Variants in DHRSX observed in about 807,000 individuals in gnomAD.
DHRSX encodes dehydrogenase/reductase X-linked, also known as polyprenol dehydrogenase.
DHRSX carries 31 observed loss-of-function variants against 34.0 expected under a neutral mutation model. The ratio of observed to expected loss-of-function variants is 0.91; its 90% CI spans 0.69 to 1.23. DHRSX has a LOEUF of 1.23. DHRSX is among the 50% of genes most tolerant of loss of function. The pLI is 0.00. For missense variants in DHRSX, 414 were observed against 428.1 expected (o/e 0.97, Z 0.29); for synonymous variants, 201 against 183.8 (o/e 1.09, Z -0.76).
intron 5 of DHRSX, among the ~76,000 whole-genome samples, chrX:2,261,134 C>T (rs768645809): frequency 6.6e-5 from 10 of 152,118 alleles, no homozygotes; most frequent in East Asian, 1.9e-4. Flanking sequence ...CATTGGAACC[C>T]GGGAGGCGGA....
intron 3 of DHRSX, among the ~76,000 whole-genome samples, chrX:2,405,600 G>A (rs1013568682): frequency 6.6e-6 from 1 of 151,910 alleles, no homozygotes; most frequent in Non-Finnish European, 1.5e-5. Flanking sequence ...GAACCCAGTA[G>A]TTCAAGATGA....
intron 3 of DHRSX, among the ~76,000 whole-genome samples, chrX:2,370,792 G>GC (rs1385968013): frequency 6.6e-6 from 1 of 151,964 alleles, no homozygotes; most frequent in African/African-American, 2.4e-5. Flanking sequence ...CTCCTATCAG[G>GC]CCCCGGGATG....
chrX:2,496,859 A>G (rs904156946), intron 1 of DHRSX, among the ~76,000 whole-genome samples: 6 of 149,080 alleles, frequency 4.0e-5, no homozygotes, highest in Admixed American at 1.3e-4. Flanking sequence ...TATTTATAGA[A>G]AAGTATAAAT....
chrX:2,393,418 A>ACGACACACAGGGACC (rs2043359381), intron 3 of DHRSX, among the ~76,000 whole-genome samples: 3 of 151,230 alleles, frequency 2.0e-5, no homozygotes, highest in South Asian at 2.1e-4. Flanking sequence ...CTGCGCACAC[A>ACGACACACAGGGACC]TGACACACAG....
intron 3 of DHRSX, among the ~76,000 whole-genome samples, chrX:2,328,079 C>CAAAAAAAAAAAAAAAA (rs35824420): frequency 4.2e-5 from 5 of 118,506 alleles, no homozygotes; most frequent in Non-Finnish European, 5.1e-5. Flanking sequence ...GACTCCGTCT[C>CAAAAAAAAAAAAAAAA]AAAAAAAAAA....
chrX:2,318,779 C>A (rs1312265763), intron 3 of DHRSX, among the ~76,000 whole-genome samples: 1 of 152,112 alleles, frequency 6.6e-6, no homozygotes, highest in Admixed American at 6.6e-5. Context: ...TGCTGCTCTG[C>A]CAATGGAGTG....
Position 2,320,336 on chromosome X carries a change from C to G in DHRSX, c.287-28733G>C, listed in dbSNP as rs752995766. Among the ~76,000 whole-genome samples, 16 of 100,078 alleles carry G rather than the reference C, an allele frequency of 1.6e-4. No homozygotes were observed. In the East Asian group the frequency reaches 5.2e-3, roughly 33 times the overall value. The allele number at this position is 100,078 out of a possible 152,430, so 65.7% of individuals were successfully genotyped here. A position where few individuals can be genotyped will look rare whatever the true frequency, so the allele number is the denominator to read the frequency against. On this transcript the variant is annotated intron_variant, in intron 3 of 6. Coordinates refer to ENST00000334651, the MANE Select transcript of DHRSX (RefSeq NM_145177.3). ...TTGAGATGGGATCTTGCTCTGTCAC[C>G]CAGGCTGGACTGCAGTGGGGTGATC...
At position 2,306,552 on chromosome X, in the gene DHRSX, G is replaced by A. The variant is rs141193353; in HGVS notation, c.287-14949C>T. ...TCTTGGCTCACTGCAACCTCCACCC[G>A]CCAGGTTCAAGCGATTCAGCCTCCC... is the stretch of plus-strand genomic sequence containing the variant. On this transcript the variant is annotated intron_variant, in intron 3 of 6. Transcript: ENST00000334651. 3.8e-3 allele frequency among the ~76,000 whole-genome samples: 574 copies of A among 149,746 alleles called. 3 individuals are homozygous for A. The highest frequency in any genetic ancestry group is 6.6e-3 in the Non-Finnish European group (447 of 67,656).
At chrX:2,445,017 C>T (rs1416361549) in intron 1 of DHRSX, among the ~76,000 whole-genome samples, 4 of 151,998 alleles carry the variant, frequency 2.6e-5, no homozygotes, top group Middle Eastern at 3.4e-3. Context: ...ATTAGCTGGG[C>T]CTGGTGGCGG....
chrX:2,465,909 A>G (rs1476290765), intron 1 of DHRSX, among the ~76,000 whole-genome samples: 1 of 152,166 alleles, frequency 6.6e-6, no homozygotes. Context: ...CACCCCAAAA[A>G]TTCCCAATGC....
intron 1 of DHRSX, among the ~76,000 whole-genome samples, chrX:2,454,173 G>C (rs2044264955): frequency 1.3e-5 from 2 of 152,004 alleles, no homozygotes; most frequent in Non-Finnish European, 2.9e-5. Flanking sequence ...CAGTTTATAT[G>C]ACCATGACAC....
At chrX:2,333,322 G>A (rs1337542153) in intron 3 of DHRSX, among the ~76,000 whole-genome samples, 1 of 152,042 alleles carries the variant, frequency 6.6e-6, no homozygotes, top group Non-Finnish European at 1.5e-5. Context: ...TGTTAGATTC[G>A]GGAGGAGTCC....
chrX:2,473,452 C>G (rs185984013), intron 1 of DHRSX, among the ~76,000 whole-genome samples: 5 of 152,066 alleles, frequency 3.3e-5, no homozygotes, highest in African/African-American at 1.2e-4. Context: ...GAAGAAAACC[C>G]ATCTCTACTA....
chrX:2,354,756 G>A (rs1298719543), intron 3 of DHRSX, among the ~76,000 whole-genome samples: 2 of 152,082 alleles, frequency 1.3e-5, no homozygotes, highest in Admixed American at 6.6e-5. Context: ...CACTGCGCTC[G>A]GCCTCTGTCC....
chrX:2,448,051 A>T (rs774722729), intron 1 of DHRSX, among the ~76,000 whole-genome samples: 249 of 151,948 alleles, frequency 1.6e-3, no homozygotes, highest in Non-Finnish European at 2.9e-3. Context: ...AAAAACAAAA[A>T]AATTAGCTGG....
In DHRSX at chrX:2,425,281, C is replaced by T. The variant is rs1419773064; in HGVS notation, c.133G>A (p.Val45Ile). The T allele has an allele frequency of 1.2e-6, 2 of 1,613,858 alleles. No individual in the cohort carries two copies. Among genetic ancestry groups the T allele is most frequent in the Non-Finnish European group, 1.7e-6 (2 of 1,179,824 alleles). The change falls in exon 2 of 7, where the codon GTC becomes ATC. Residue 45 changes from valine (V) to isoleucine (I), a missense_variant. Physicochemically the swap from Val to Ile is conservative, Grantham distance 29. Coordinates refer to ENST00000334651, the MANE Select transcript of DHRSX (RefSeq NM_145177.3). ...EPVFPPRPDR[V>I]AIVTGGTDGI... is the part of the protein sequence containing the mutation. ...TCTGTCCCTCCCGTCACTATAGCGA[C>T]ACGGTCAGGTCGTGGGGGGAAAACT...
intron 2 of DHRSX, among the ~76,000 whole-genome samples, chrX:2,411,231 C>T (rs2043623094): frequency 6.6e-6 from 1 of 152,104 alleles, no homozygotes; most frequent in African/African-American, 2.4e-5. Flanking sequence ...GGCTGCTCTG[C>T]CGTATCAGCC....
chrX:2,302,977 A>G (rs2042031389), intron 3 of DHRSX, among the ~76,000 whole-genome samples: 1 of 152,124 alleles, frequency 6.6e-6, no homozygotes, highest in Non-Finnish European at 1.5e-5. Context: ...TGTCATCTGG[A>G]TAGAAACTCC....
At chrX:2,268,204 C>A (rs1410430803) in intron 4 of DHRSX, among the ~76,000 whole-genome samples, 1 of 152,150 alleles carries the variant, frequency 6.6e-6, no homozygotes, top group East Asian at 1.9e-4. Context: ...GAGCGCCTGC[C>A]CTGAAGTCCT....
Sources: allele counts gnomAD v4.1 joint callset (sites outside exome capture counted in the v4.1 genomes callset), GRCh38; gene constraint gnomAD v4.1.1; transcripts MANE v1.5; gene names NCBI Gene and HGNC (gene_info 2026-07-23, HGNC 2026-07-21).